The following GOLIM4 variants were observed in gnomAD, a reference collection of about 807,000 sequenced individuals.
GOLIM4 encodes 130 kDa golgi-localized phosphoprotein.
GOLIM4 carries 71 observed loss-of-function variants against 107.4 expected under a neutral mutation model. The ratio of observed to expected loss-of-function variants is 0.66; its 90% CI spans 0.55 to 0.81. GOLIM4 has a LOEUF of 0.81. Ranked by LOEUF, GOLIM4 falls within the 30% of genes least tolerant of loss-of-function variation. GOLIM4 has a pLI of 0.00. For synonymous variants in GOLIM4, 327 were observed against 294.8 expected, an observed-to-expected ratio of 1.11 and a Z score of -1.12; for missense variants, 830 against 826.1, an observed-to-expected ratio of 1.00 and a Z score of -0.06.
chr3:168,086,317 C>G (rs1721618518), intron 1 of GOLIM4, among the ~76,000 whole-genome samples: 1 of 152,020 alleles, frequency 6.6e-6, no homozygotes, highest in Admixed American at 6.6e-5. Context: ...AAATTTTAAT[C>G]TGTTTATAAT....
At chr3:168,041,831 C>G (rs777931340) in intron 5 of GOLIM4, among the ~76,000 whole-genome samples, 2 of 151,552 alleles carry the variant, frequency 1.3e-5, no homozygotes, top group African/African-American at 2.4e-5. Context: ...AGTCTCTTCA[C>G]AAATTAAAAA....
intron 1 of GOLIM4, among the ~76,000 whole-genome samples, chr3:168,086,486 C>T (rs66813013): frequency 0.18 from 27,246 of 152,050 alleles, 3,872 homozygotes; most frequent in African/African-American, 0.4. Flanking sequence ...AATGAAATGT[C>T]TGACTCTCCT....
At chr3:168,063,936 T>C (rs1228551588) in intron 1 of GOLIM4, among the ~76,000 whole-genome samples, 1 of 152,162 alleles carries the variant, frequency 6.6e-6, no homozygotes, top group Non-Finnish European at 1.5e-5. Flanking sequence ...TTTAGGTGGA[T>C]AGCAGGATAC....
intron 4 of GOLIM4, 64 bp from the exon 5 acceptor site, chr3:168,043,593 G>A: frequency 7.7e-7 from 1 of 1,303,802 alleles, no homozygotes; most frequent in Non-Finnish European, 1.1e-6. Flanking sequence ...TCTATTTCTT[G>A]ACAGCACAGT....
intron 7 of GOLIM4, among the ~76,000 whole-genome samples, chr3:168,039,515 C>T (rs1258546385): frequency 2.6e-5 from 4 of 152,100 alleles, no homozygotes; most frequent in East Asian, 1.9e-4. Context: ...CCACCCGCCT[C>T]GGCCTCCCAA....
In GOLIM4 at chr3:168,011,285, C is replaced by T. The variant is rs921603716; in HGVS notation, c.1861-462G>A. Among the ~76,000 whole-genome samples the T allele has an allele frequency of 2.7e-4, 41 of 152,016 alleles. 1 individual carries two copies. Among genetic ancestry groups the T allele is most frequent in the Middle Eastern group, 3.2e-3 (1 of 316 alleles). On this transcript the variant is annotated intron_variant, in intron 14 of 15. Transcript: ENST00000470487. ...CCGAGTCAAAGAAAGGGGTGACGGA[C>T]GGCACCTGGAAAATCGCGTCACTCC... is the stretch of plus-strand genomic sequence containing the variant.
At chr3:168,076,317 G>A (rs990819901) in intron 1 of GOLIM4, among the ~76,000 whole-genome samples, 1 of 152,232 alleles carries the variant, frequency 6.6e-6, no homozygotes, top group Non-Finnish European at 1.5e-5. Flanking sequence ...AAGCCTATCT[G>A]TGGGGCCATG....
At chr3:168,080,593 A>G (rs1357221640) in intron 1 of GOLIM4, among the ~76,000 whole-genome samples, 2 of 150,932 alleles carry the variant, frequency 1.3e-5, no homozygotes, top group African/African-American at 5.0e-5. Flanking sequence ...TAGTCAAGAT[A>G]AAGAATTTCA....
intron 1 of GOLIM4, among the ~76,000 whole-genome samples, chr3:168,065,378 C>T (rs559221662): frequency 3.9e-5 from 6 of 152,234 alleles, no homozygotes; most frequent in African/African-American, 1.4e-4. Context: ...AGCCTTTTGG[C>T]AAAAGAAGAC....
At chr3:168,052,608 C>T (rs558386309) in intron 1 of GOLIM4, among the ~76,000 whole-genome samples, 21 of 152,172 alleles carry the variant, frequency 1.4e-4, no homozygotes, top group Admixed American at 1.3e-3. Context: ...GTGCTTGTAC[C>T]TCTTTTAGAA....
At chr3:168,037,114 T>C (rs1333996344) in intron 7 of GOLIM4, 120 bp from the exon 8 acceptor site, 2 of 509,442 alleles carry the variant, frequency 3.9e-6, no homozygotes, top group African/African-American at 2.1e-5. Context: ...TAGAAAAACA[T>C]ACAGATTGTT....
intron 5 of GOLIM4, 90 bp downstream of exon 5, chr3:168,043,289 C>T (rs1560085359): frequency 2.4e-6 from 2 of 840,762 alleles, no homozygotes; most frequent in East Asian, 5.2e-5. Context: ...GTAAATCGAT[C>T]ACCACTCAAA....
chr3:168,094,990 T>C, intron 1 of GOLIM4, 109 bp downstream of exon 1: 1 of 777,514 alleles, frequency 1.3e-6, no homozygotes, highest in Non-Finnish European at 2.1e-6. Flanking sequence ...TCCCTGAAGG[T>C]CAGAGGTGGC....
At chr3:168,062,391 T>A (rs370706797) in intron 1 of GOLIM4, among the ~76,000 whole-genome samples, 1 of 148,886 alleles carries the variant, frequency 6.7e-6, no homozygotes. Context: ...CTAATTTGAA[T>A]GTATTGGGGC....
Position 168,009,344 on chromosome 3 carries a change from A to G in GOLIM4, c.*925T>C, listed in dbSNP as rs1716852589. On this transcript the variant is annotated 3_prime_UTR_variant, in exon 16 of 16. Transcript: ENST00000470487. Reference sequence around the variant, plus strand: ...ATACTTATTATCAAAGTGATTGCATATTGAGGCACAGAGCTTAAAGAGGAA... The same window carrying G: ...ATACTTATTATCAAAGTGATTGCATGTTGAGGCACAGAGCTTAAAGAGGAA... 1 of 149,536 alleles carries G rather than the reference A, an allele frequency of 6.7e-6. No individual in the cohort carries two copies. The highest frequency in any genetic ancestry group is 2.4e-5 in the African/African-American group (1 of 40,940). The allele number at this position is 149,536 out of a possible 1,614,324, so 9.3% of individuals were successfully genotyped here.
intron 14 of GOLIM4, among the ~76,000 whole-genome samples, chr3:168,020,654 T>C (rs1717625695): frequency 6.6e-6 from 1 of 152,212 alleles, no homozygotes; most frequent in Non-Finnish European, 1.5e-5. Context: ...TAATCTTATT[T>C]AGAGACCACT....
chr3:168,047,212 C>G (rs545469838), intron 2 of GOLIM4, among the ~76,000 whole-genome samples: 1 of 152,306 alleles, frequency 6.6e-6, no homozygotes, highest in South Asian at 2.1e-4. Flanking sequence ...AGCTGTAAAT[C>G]TTGCATCCAC....
In GOLIM4 at chr3:168,010,349, C is replaced by A. The variant is rs1238872409; in HGVS notation, c.2011G>T (p.Glu671Ter). Residue 671 changes from glutamate to a stop codon, truncating the protein, a stop_gained, in exon 16 of 16, where the codon GAA becomes TAA. Transcript: ENST00000470487. LOFTEE classifies it high-confidence loss of function. ...RDDNRPKGRE[E>*]HYEEEEEEEE... ...TCCTCTTCTTCCTCCTCGTAGTGTT[C>A]CTCTCGGCCTTTGGGGCGGTTGTCA... 2 of 1,613,466 alleles carry A rather than the reference C, an allele frequency of 1.2e-6. No individual in the cohort carries two copies. Among genetic ancestry groups the A allele is most frequent in the Non-Finnish European group, 1.7e-6 (2 of 1,179,468 alleles).
At position 168,095,297 on chromosome 3, in the gene GOLIM4, G is replaced by A. The variant is rs777629165; in HGVS notation, c.-12C>T. On this transcript the variant is annotated 5_prime_UTR_variant, in exon 1 of 16. Coordinates refer to ENST00000470487, the MANE Select transcript of GOLIM4 (RefSeq NM_014498.5). Reference sequence around the variant, plus strand: ...ATCCCGTTTCCCATAGTCCCGCCTGGACCCAAAGCCGCGGCCGCCCCCGCC... The same window carrying A: ...ATCCCGTTTCCCATAGTCCCGCCTGAACCCAAAGCCGCGGCCGCCCCCGCC... The A allele has an allele frequency of 6.2e-7, 1 of 1,609,416 alleles. No individual in the cohort carries two copies.
Sources: allele counts gnomAD v4.1 joint callset (sites outside exome capture counted in the v4.1 genomes callset), GRCh38; gene constraint gnomAD v4.1.1; transcripts MANE v1.5; gene names NCBI Gene and HGNC (gene_info 2026-07-23, HGNC 2026-07-21).